Variants in TRIM11 observed in about 807,000 individuals in gnomAD.
TRIM11 encodes the protein E3 ubiquitin-protein ligase TRIM11.
A neutral mutation model predicts 33.4 loss-of-function variants in TRIM11; 15 were observed. That is an observed-to-expected ratio of 0.45 (90% CI 0.30 to 0.69). The LOEUF (loss-of-function observed/expected upper bound fraction) is 0.69. Among genes scored for constraint, TRIM11 ranks in the 30% least tolerant of loss-of-function variants. The pLI, the probability that TRIM11 is intolerant of heterozygous loss-of-function variation, is 0.08. For missense variants in TRIM11, 499 were observed against 667.6 expected, an observed-to-expected ratio of 0.75 and a Z score of 2.78; for synonymous variants, 281 against 302.6, an observed-to-expected ratio of 0.93 and a Z score of 0.74.
chr1:228,397,255 C>T (rs1465928720), intron 3 of TRIM11, 90 bp from the exon 4 acceptor site: 29 of 1,474,980 alleles, frequency 2.0e-5, no homozygotes, highest in Middle Eastern at 5.0e-4. Flanking sequence ...CTCGCCCCGT[C>T]CCCCTCTCCT....
intron 3 of TRIM11, among the ~76,000 whole-genome samples, chr1:228,399,712 C>T (rs896352694): frequency 1.1e-4 from 17 of 151,880 alleles, no homozygotes; most frequent in Non-Finnish European, 1.5e-4. Flanking sequence ...GCGTCCTTCC[C>T]GCTTCCCAGG....
At chr1:228,399,885 A>AG (rs1279295205) in intron 3 of TRIM11, among the ~76,000 whole-genome samples, 2 of 141,086 alleles carry the variant, frequency 1.4e-5, no homozygotes, top group Non-Finnish European at 3.0e-5. Flanking sequence ...TCTACAAAAA[A>AG]AAAAACAAAA....
rs561444730 is a variant in TRIM11, at chr1:228,399,757, G to A, written c.735+1207C>T. Among the ~76,000 whole-genome samples, 10 of 152,012 alleles carry A rather than the reference G, an allele frequency of 6.6e-5. No individual in the cohort carries two copies. The East Asian group carries it at 1.6e-3, about 24-fold the overall frequency. ...AGCTGATGTCCAAGCTGGTGCACGC[G>A]GCACACGGAGTGGAGGAGCAGATGC... is the stretch of plus-strand genomic sequence containing the variant. On this transcript the variant is annotated intron_variant, in intron 3 of 5. Transcript: ENST00000284551.
chr1:228,397,126 A>G lies in TRIM11; in HGVS notation c.758+17T>C, dbSNP rs1385336888. ...CACTCCCTCCTGCCCCCCCTCCAGG[A>G]GAGGCTGGGTTCGTACCTGCGCAGG... On this transcript the variant is annotated intron_variant, in intron 4 of 5. Coordinates refer to ENST00000284551, the MANE Select transcript of TRIM11 (RefSeq NM_145214.3). The G allele has an allele frequency of 2.5e-6, 4 of 1,613,824 alleles. No homozygotes were observed. The Admixed American group carries it at 5.0e-5, about 20-fold the overall frequency.
At position 228,394,845 on chromosome 1, in the gene TRIM11, C is replaced by T; in HGVS notation, c.1267G>A (p.Gly423Arg). The change falls in exon 6 of 6, where the codon GGG becomes AGG. Residue 423 changes from glycine (G) to arginine (R), a missense_variant. By Grantham distance (125) the Gly-to-Arg change is moderately radical. Transcript: ENST00000284551. The surrounding 1 kb of genome is among the most constrained non-coding windows in gnomAD (Gnocchi z 6.2). ...TCGGGAAAGATGAATAGCAGTGACCCATCGGTGGCACTGTAGAAAGAGAGA... is the reference window on the plus strand; with the variant it reads ...TCGGGAAAGATGAATAGCAGTGACCTATCGGTGGCACTGTAGAAAGAGAGA... ...GHLSFYSATD[G>R]SLLFIFPEIP... 2 of 1,614,094 alleles carry T rather than the reference C, an allele frequency of 1.2e-6. No individual in the cohort carries two copies. The highest frequency in any genetic ancestry group is 2.2e-5 in the South Asian group (2 of 91,068).
chr1:228,406,547 G>A lies in TRIM11; in HGVS notation c.15C>T (p.Asp5=), dbSNP rs1167519923. 1.3e-6 allele frequency: 2 copies of A among 1,540,248 alleles called. No homozygotes were observed. Among genetic ancestry groups the A allele is most frequent in the East Asian group, 2.5e-5 (1 of 39,256 alleles). ...CCTCCTCCTGGAGGTTGGTGGACAG[G>A]TCGGGGGCGGCCATGGCGCGGACAG... MAAP[D]LSTNLQEEAT... is the part of the protein sequence containing the mutation. Residue 5 remains aspartate, a synonymous_variant, in exon 1 of 6, where the codon GAC becomes GAT. Transcript: ENST00000284551. This position sits in a 1 kb window ranked among gnomAD's most constrained non-coding sequence, Gnocchi z 8.2.
rs1301509226 is a variant in TRIM11, at chr1:228,394,601, G to C, written c.*104C>G. The stretch of plus-strand genomic sequence containing the variant: ...AAAGGCACCAGGAGTTCCTCCTCTT[G>C]CTCAAAGGACACACTCCCTCCTCCC... On this transcript the variant is annotated 3_prime_UTR_variant, in exon 6 of 6. Coordinates refer to ENST00000284551, the MANE Select transcript of TRIM11 (RefSeq NM_145214.3). The surrounding 1 kb of genome is among the most constrained non-coding windows in gnomAD (Gnocchi z 6.2). The C allele has an allele frequency of 7.8e-7, 1 of 1,280,892 alleles. No homozygotes were observed. Among genetic ancestry groups the C allele is most frequent in the Non-Finnish European group, 1.1e-6 (1 of 947,860 alleles). 79.3% of individuals were successfully genotyped at this position (1,280,892 alleles called of 1,614,324 possible).
chr1:228,406,334 C>T lies in TRIM11; in HGVS notation c.228G>A (p.Glu76=). The T allele has an allele frequency of 6.8e-7, 1 of 1,479,002 alleles. No homozygotes were observed. The highest frequency in any genetic ancestry group is 9.0e-7 in the Non-Finnish European group (1 of 1,117,020). 91.6% of individuals were successfully genotyped at this position (1,479,002 alleles called of 1,614,324 possible). ...ACGGCGGGTGCAGGCGCCGCGCCAT[C>T]TCGGCCATCTTAGCAAGCGGGCGGT... ...RPNRPLAKMA[E]MARRLHPPSP... Residue 76 remains glutamate (E), a synonymous_variant, in exon 1 of 6, where the codon GAG becomes GAA. Transcript: ENST00000284551. This position sits in a 1 kb window ranked among gnomAD's most constrained non-coding sequence, Gnocchi z 8.2.
chr1:228,400,873 C>G lies in TRIM11; in HGVS notation c.735+91G>C, dbSNP rs1558447589. 1 of 1,431,076 alleles carries G rather than the reference C, an allele frequency of 7.0e-7. No individual in the cohort carries two copies. Among genetic ancestry groups the G allele is most frequent in the East Asian group, 2.5e-5 (1 of 39,246 alleles). The allele number at this position is 1,431,076 out of a possible 1,614,324, so 88.6% of individuals were successfully genotyped here. On this transcript the variant is annotated intron_variant, in intron 3 of 5. Coordinates refer to ENST00000284551, the MANE Select transcript of TRIM11 (RefSeq NM_145214.3). The surrounding 1 kb of genome is among the most constrained non-coding windows in gnomAD (Gnocchi z 4.5). The stretch of plus-strand genomic sequence containing the variant: ...CCTCTCAGCCCAGACAACCTCTCTG[C>G]CCCTGCTTCTTGCACTTTCTGGTTC...
chr1:228,400,873 C>T lies in TRIM11; in HGVS notation c.735+91G>A, dbSNP rs1558447589. On this transcript the variant is annotated intron_variant, in intron 3 of 5. Coordinates refer to ENST00000284551, the MANE Select transcript of TRIM11 (RefSeq NM_145214.3). The surrounding 1 kb of genome is among the most constrained non-coding windows in gnomAD (Gnocchi z 4.5). ...CCTCTCAGCCCAGACAACCTCTCTG[C>T]CCCTGCTTCTTGCACTTTCTGGTTC... is the stretch of plus-strand genomic sequence containing the variant. 2.1e-6 allele frequency: 3 copies of T among 1,431,076 alleles called. No individual in the cohort carries two copies. The highest frequency in any genetic ancestry group is 2.7e-6 in the Non-Finnish European group (3 of 1,096,022). The allele number at this position is 1,431,076 out of a possible 1,614,324, so 88.6% of individuals were successfully genotyped here. A position where few individuals can be genotyped will look rare whatever the true frequency, so the allele number is the denominator to read the frequency against.
intron 1 of TRIM11, 155 bp downstream of exon 1, chr1:228,405,999 C>A (rs1374748149): frequency 2.7e-5 from 23 of 857,710 alleles, no homozygotes; most frequent in Non-Finnish European, 3.5e-5. Flanking sequence ...GCGCGACACC[C>A]CCCTCACAGG....
intron 1 of TRIM11, chr1:228,405,444 A>G (rs1476599458): frequency 6.6e-6 from 1 of 152,326 alleles, no homozygotes; most frequent in East Asian, 1.9e-4. Context: ...GCACACCTGC[A>G]GCAGGTCAGC....
rs1002083648 is a variant in TRIM11, at chr1:228,405,885, G to T, written c.408+269C>A. The T allele has an allele frequency of 7.5e-6, 3 of 398,446 alleles. No homozygotes were observed. The Admixed American group carries it at 1.4e-4, about 18-fold the overall frequency. The allele number at this position is 398,446 out of a possible 1,614,324, so 24.7% of individuals were successfully genotyped here. A position where few individuals can be genotyped will look rare whatever the true frequency, so the allele number is the denominator to read the frequency against. The stretch of plus-strand genomic sequence containing the variant: ...CTCTCTTAGCCTCTATCTATGAGAG[G>T]TACGCCCCTCACCCCCGAGAGCAGG... On this transcript the variant is annotated intron_variant, in intron 1 of 5. Coordinates refer to ENST00000284551, the MANE Select transcript of TRIM11 (RefSeq NM_145214.3).
chr1:228,401,498 T>C lies in TRIM11; in HGVS notation c.505-304A>G, dbSNP rs1005949183. On this transcript the variant is annotated intron_variant, in intron 2 of 5. Coordinates refer to ENST00000284551, the MANE Select transcript of TRIM11 (RefSeq NM_145214.3). This position sits in a 1 kb window ranked among gnomAD's most constrained non-coding sequence, Gnocchi z 6.1. ...AAATCTAAACCCAGGGCCGACTAGA[T>C]CCCAAATCCACTATCTAGTCCCTCC... Among the ~76,000 whole-genome samples the C allele has an allele frequency of 6.6e-6, 1 of 151,936 alleles. No individual in the cohort carries two copies. The highest frequency in any genetic ancestry group is 2.4e-5 in the African/African-American group (1 of 41,410).
chr1:228,394,343 A>C lies in TRIM11; in HGVS notation c.*362T>G. ...TCAGGGGGCTGGCAAAGCTGCAGGA[A>C]CTGTGCAGCTTAGGTGAACCCTGGA... On this transcript the variant is annotated 3_prime_UTR_variant, in exon 6 of 6. Transcript: ENST00000284551. This position sits in a 1 kb window ranked among gnomAD's most constrained non-coding sequence, Gnocchi z 6.2. 1 of 241,910 alleles carries C rather than the reference A, an allele frequency of 4.1e-6. No individual in the cohort carries two copies. Among genetic ancestry groups the C allele is most frequent in the Non-Finnish European group, 7.9e-6 (1 of 126,658 alleles). 15.0% of individuals were successfully genotyped at this position (241,910 alleles called of 1,614,324 possible).
intron 5 of TRIM11, chr1:228,396,438 CT>C: frequency 1.8e-6 from 1 of 560,066 alleles, no homozygotes; most frequent in Non-Finnish European, 3.2e-6. Context: ...CTTCCCCAGG[CT>C]TTGCCCATGT....
chr1:228,406,254 C>A lies in TRIM11; in HGVS notation c.308G>T (p.Cys103Phe). 1.3e-6 allele frequency: 2 copies of A among 1,497,318 alleles called. No homozygotes were observed. The highest frequency in any genetic ancestry group is 1.8e-6 in the Non-Finnish European group (2 of 1,130,344). The allele number at this position is 1,497,318 out of a possible 1,614,324, so 92.8% of individuals were successfully genotyped here. ...ACACAGGAGGCGCAGCTCGTCGCCA[C>A]AGAAGGCGGCCAGTGGCTCGCGGTG... ...PAHREPLAAF[C>F]GDELRLLCAA... The change falls in exon 1 of 6, where the codon TGT becomes TTT. Residue 103 changes from cysteine (C) to phenylalanine (F), a missense_variant. Physicochemically the swap from Cys to Phe is radical, Grantham distance 205. Transcript: ENST00000284551. This position sits in a 1 kb window ranked among gnomAD's most constrained non-coding sequence, Gnocchi z 8.2.
rs771815734 is a variant in TRIM11 at position 228,396,885 on chromosome 1, G to A, written c.859+62C>T. The stretch of plus-strand genomic sequence containing the variant: ...CAGGGCACAGAACACGTGGCTGGCT[G>A]CCCAGGTCCTTGGCAGGTCCCCTCC... On this transcript the variant is annotated intron_variant, in intron 5 of 5. Coordinates refer to ENST00000284551, the MANE Select transcript of TRIM11 (RefSeq NM_145214.3). The A allele has an allele frequency of 5.3e-6, 8 of 1,514,132 alleles. No individual in the cohort carries two copies. In the Admixed American group the frequency reaches 1.0e-4, roughly 19 times the overall value. 93.8% of individuals were successfully genotyped at this position (1,514,132 alleles called of 1,614,324 possible). A position where few individuals can be genotyped will look rare whatever the true frequency, so the allele number is the denominator to read the frequency against.
Position 228,402,166 on chromosome 1 carries a change from G to C in TRIM11, c.409-5C>G. ...CAGTGACTTCTCCAGCTTCGCCTGC[G>C]GGAGAGGCCAGGCAGGACCATGAGA... is the stretch of plus-strand genomic sequence containing the variant. On this transcript the variant is annotated splice_polypyrimidine_tract_variant and splice_region_variant and intron_variant, in intron 1 of 5. Transcript: ENST00000284551. 1 of 1,609,534 alleles carries C rather than the reference G, an allele frequency of 6.2e-7. No homozygotes were observed. Among genetic ancestry groups the C allele is most frequent in the Non-Finnish European group, 8.5e-7 (1 of 1,177,590 alleles).
Sources: allele counts gnomAD v4.1 joint callset (sites outside exome capture counted in the v4.1 genomes callset), GRCh38; gene constraint gnomAD v4.1.1; non-coding constraint Gnocchi (gnomAD v3.1); transcripts MANE v1.5; gene names NCBI Gene and HGNC (gene_info 2026-07-23, HGNC 2026-07-21).